Variants in FRY observed in about 807,000 individuals in gnomAD.
FRY encodes protein furry homolog.
A neutral mutation model predicts 348.4 loss-of-function variants in FRY; 128 were observed. The observed-to-expected ratio is 0.37, with a 90% CI of 0.32 to 0.43. The LOEUF (loss-of-function observed/expected upper bound fraction) is 0.43, where lower values mean the gene tolerates loss of function less well. Ranked by LOEUF, FRY falls within the 20% of genes least tolerant of loss-of-function variation. FRY has a pLI of 1.00. For missense variants in FRY, 2,736 were observed against 3,695.2 expected, an observed-to-expected ratio of 0.74 and a Z score of 6.73; for synonymous variants, 1,370 against 1,374.7, an observed-to-expected ratio of 1.00 and a Z score of 0.08.
chr13:32,217,596 A>G (rs1410992197), intron 35 of FRY, among the ~76,000 whole-genome samples: 2 of 152,314 alleles, frequency 1.3e-5, no homozygotes, highest in African/African-American at 2.4e-5. Context: ...GGCCTTGGCC[A>G]TGGTTACAGA....
At chr13:32,041,711 C>T (rs1872754651) in intron 1 of FRY, among the ~76,000 whole-genome samples, 1 of 152,156 alleles carries the variant, frequency 6.6e-6, no homozygotes, top group South Asian at 2.1e-4. Flanking sequence ...GCAAGACAAC[C>T]TGTCTCGCTT....
At chr13:32,108,442 G>A (rs369227241) in intron 3 of FRY, among the ~76,000 whole-genome samples, 20 of 152,284 alleles carry the variant, frequency 1.3e-4, no homozygotes, top group African/African-American at 4.8e-4. Flanking sequence ...CCTAGAAATT[G>A]ATCAATTTAG....
intron 3 of FRY, among the ~76,000 whole-genome samples, chr13:32,102,610 A>T (rs913062989): frequency 1.3e-5 from 2 of 152,246 alleles, no homozygotes; most frequent in Non-Finnish European, 1.5e-5. Context: ...AAGACAGAAT[A>T]AATACAAGGT....
intron 55 of FRY, among the ~76,000 whole-genome samples, chr13:32,272,745 G>T (rs563507824): frequency 7.9e-5 from 12 of 151,866 alleles, no homozygotes; most frequent in East Asian, 7.8e-4. Context: ...GTTTTTGTTG[G>T]TTTTTTTTGA....
chr13:32,070,557 GGT>G (rs1491367201), intron 1 of FRY, among the ~76,000 whole-genome samples: 7 of 101,482 alleles, frequency 6.9e-5, no homozygotes, highest in African/African-American at 2.4e-4. Flanking sequence ...TTTTTTGATG[GGT>G]TTTTTTTTTT....
Position 32,244,083 on chromosome 13 carries a change from C to A in FRY, c.6729C>A (p.Leu2243=). The A allele has an allele frequency of 6.2e-7, 1 of 1,613,834 alleles. No individual in the cohort carries two copies. Among genetic ancestry groups the A allele is most frequent in the Non-Finnish European group, 8.5e-7 (1 of 1,179,730 alleles). The change falls in exon 47 of 61, where the codon CTC becomes CTA. Residue 2243 remains leucine, a synonymous_variant. Transcript: ENST00000542859. The stretch of plus-strand genomic sequence containing the variant: ...TCCCTAGTGTGCAGCAGCCCCTGCT[C>A]CAGGTGATCTACAGTCTTCTCAGCT... ...KGLPSVQQPL[L]QVIYSLLSYM... is the part of the protein sequence containing the mutation.
chr13:32,219,099 T>C (rs1418732902), intron 36 of FRY, among the ~76,000 whole-genome samples: 1 of 149,832 alleles, frequency 6.7e-6, no homozygotes, highest in East Asian at 2.0e-4. Flanking sequence ...ATACTTTTTT[T>C]TTTTTTTGAG....
chr13:32,288,322 A>G (rs936955217), intron 58 of FRY, among the ~76,000 whole-genome samples: 3 of 152,242 alleles, frequency 2.0e-5, no homozygotes, highest in Admixed American at 2.0e-4. Flanking sequence ...TAAAACAACC[A>G]AACATCCAGT....
At chr13:32,274,457 C>T (rs1454960955) in intron 55 of FRY, among the ~76,000 whole-genome samples, 2 of 151,912 alleles carry the variant, frequency 1.3e-5, no homozygotes, top group South Asian at 2.1e-4. Flanking sequence ...CCTGTAATCC[C>T]AGCACTTTGG....
At chr13:32,262,242 C>G in intron 52 of FRY, 72 bp from the exon 53 acceptor site, 1 of 1,255,734 alleles carries the variant, frequency 8.0e-7, no homozygotes, top group Non-Finnish European at 1.2e-6. Flanking sequence ...TAACCAACAA[C>G]TAGAGAATAA....
intron 49 of FRY, 40 bp from the exon 50 acceptor site, chr13:32,251,838 A>C: frequency 7.4e-7 from 1 of 1,350,196 alleles, no homozygotes; most frequent in Non-Finnish European, 1.1e-6. Context: ...ATTTGCTCAC[A>C]GGAACCCATA....
At chr13:32,261,345 A>G (rs1195668798) in intron 51 of FRY, among the ~76,000 whole-genome samples, 1 of 152,232 alleles carries the variant, frequency 6.6e-6, no homozygotes, top group Non-Finnish European at 1.5e-5. Flanking sequence ...GTTTACCAAA[A>G]TCAACTTTTT....
At chr13:32,144,200 CA>C (rs199998762) in intron 11 of FRY, among the ~76,000 whole-genome samples, 28 of 137,202 alleles carry the variant, frequency 2.0e-4, no homozygotes, top group Admixed American at 9.5e-4. Flanking sequence ...TATTAACAGG[CA>C]AAAAAAAACC....
intron 17 of FRY, among the ~76,000 whole-genome samples, chr13:32,165,356 G>T (rs1881676457): frequency 6.6e-6 from 1 of 152,218 alleles, no homozygotes; most frequent in East Asian, 1.9e-4. Flanking sequence ...AGCTGAAAGA[G>T]AACTTGTCTC....
rs868608058 is a variant in FRY, at chr13:32,186,330, G to A, written c.3390G>A (p.Trp1130Ter). The change falls in exon 27 of 61, where the codon TGG (tryptophan) becomes TGA (stop). Residue 1130 changes from tryptophan to a stop codon, truncating the protein, a stop_gained. Transcript: ENST00000542859. LOFTEE classifies it high-confidence loss of function. ...RHHLFILFSQ[W>*]AGPFSIMFTP... ...ACCTTTTCATCTTATTCAGCCAGTGGGCAGGACCCTTCAGCATTATGTTCA... is the reference window on the plus strand; with the variant it reads ...ACCTTTTCATCTTATTCAGCCAGTGAGCAGGACCCTTCAGCATTATGTTCA... 6.2e-7 allele frequency: 1 copy of A among 1,611,482 alleles called. No homozygotes were observed. The highest frequency in any genetic ancestry group is 1.3e-5 in the African/African-American group (1 of 74,826).
chr13:32,252,494 T>C (rs1023749191), intron 50 of FRY, among the ~76,000 whole-genome samples: 5 of 152,218 alleles, frequency 3.3e-5, no homozygotes, highest in Non-Finnish European at 7.3e-5. Context: ...TAATTATAAG[T>C]AAACTTTGGA....
chr13:32,239,706 A>T lies in FRY; in HGVS notation c.6517-5A>T. 1 of 1,599,496 alleles carries T rather than the reference A, an allele frequency of 6.3e-7. No individual in the cohort carries two copies. The highest frequency in any genetic ancestry group is 8.6e-7 in the Non-Finnish European group (1 of 1,167,002). On this transcript the variant is annotated splice_polypyrimidine_tract_variant and splice_region_variant and intron_variant, in intron 45 of 60. Coordinates refer to ENST00000542859, the MANE Select transcript of FRY (RefSeq NM_023037.3). This position sits in a 1 kb window ranked among gnomAD's most constrained non-coding sequence, Gnocchi z 4.3. ...TATTCCTAATTGATTTTTTTATTTT[A>T]AAAGGTTTGTTTAGAAGAGAAGAAC...
In FRY at chr13:32,274,988, G is replaced by A. The variant is rs1447915853; in HGVS notation, c.8283G>A (p.Glu2761=). Residue 2761 remains glutamate, a synonymous_variant, in exon 56 of 61, where the codon GAG becomes GAA. Transcript: ENST00000542859. ...SECPTLFVDA[E]TLLSCGLLDK... Reference sequence around the variant, plus strand: ...GTCCTACACTTTTTGTGGATGCCGAGACTGTGAGTATCCCAGTCCTGCTCT... The same window carrying A: ...GTCCTACACTTTTTGTGGATGCCGAAACTGTGAGTATCCCAGTCCTGCTCT... 4.3e-6 allele frequency: 7 copies of A among 1,613,474 alleles called. No homozygotes were observed. Among genetic ancestry groups the A allele is most frequent in the Non-Finnish European group, 4.2e-6 (5 of 1,179,506 alleles).
At chr13:32,243,185 A>G (rs1046308807) in intron 46 of FRY, among the ~76,000 whole-genome samples, 3 of 152,206 alleles carry the variant, frequency 2.0e-5, no homozygotes, top group Non-Finnish European at 4.4e-5. Context: ...TAAAAAGACA[A>G]TTGTGTATCC....
Sources: allele counts gnomAD v4.1 joint callset (sites outside exome capture counted in the v4.1 genomes callset), GRCh38; gene constraint gnomAD v4.1.1; non-coding constraint Gnocchi (gnomAD v3.1); transcripts MANE v1.5; gene names NCBI Gene and HGNC (gene_info 2026-07-23, HGNC 2026-07-21).